Variants in NOD2 observed in about 807,000 individuals in gnomAD.
NOD2 encodes nucleotide binding oligomerization domain containing 2, also known as nucleotide-binding oligomerization domain-containing protein 2.
A neutral mutation model predicts 90.9 loss-of-function variants in NOD2; 86 were observed. The observed-to-expected ratio is 0.95, with a 90% CI of 0.79 to 1.13. The LOEUF (loss-of-function observed/expected upper bound fraction) is 1.13. Ranked by LOEUF, NOD2 falls within the 50% of genes most tolerant of loss-of-function variation. NOD2 has a pLI of 0.00. For synonymous variants in NOD2, 581 were observed against 554.6 expected, an observed-to-expected ratio of 1.05 and a Z score of -0.67; for missense variants, 1,238 against 1,283.8, an observed-to-expected ratio of 0.96 and a Z score of 0.55.
chr16:50,716,528 T>G, intron 4 of NOD2, 59 bp from the exon 5 acceptor site: 3 of 1,474,058 alleles, frequency 2.0e-6, no homozygotes, highest in Non-Finnish European at 2.8e-6. Context: ...GGGGGATTTG[T>G]AGATTTTTTT....
chr16:50,703,188 T>G (rs1964016982), intron 2 of NOD2, among the ~76,000 whole-genome samples: 1 of 152,376 alleles, frequency 6.6e-6, no homozygotes, highest in African/African-American at 2.4e-5. Flanking sequence ...CTTCTTTAAC[T>G]GCAACTGCTA....
chr16:50,699,673 C>T lies in NOD2; in HGVS notation c.178C>T (p.Arg60Cys), dbSNP rs374128251. 48 of 1,614,036 alleles carry T rather than the reference C, an allele frequency of 3.0e-5. No homozygotes were observed. Among genetic ancestry groups the T allele is most frequent in the Non-Finnish European group, 3.5e-5 (41 of 1,180,026 alleles). The change falls in exon 2 of 12, where the codon CGC becomes TGC. Residue 60 changes from arginine (R) to cysteine (C), a missense_variant. Coordinates refer to ENST00000647318, the MANE Select transcript of NOD2 (RefSeq NM_001370466.1). ...CCAGCCTCTCTCCCACTTGGCCAGG[C>T]GCCTTCTGGACACCGTCTGGAATAA... ...LGQPLSHLAR[R>C]LLDTVWNKGT...
At chr16:50,716,712 T>G (rs1330309784) in intron 5 of NOD2, 42 bp downstream of exon 5, 1 of 1,587,288 alleles carries the variant, frequency 6.3e-7, no homozygotes, top group Non-Finnish European at 8.7e-7. Context: ...CCAAGTGCCC[T>G]GGTCTCACCC....
At chr16:50,706,900 G>T (rs188384574) in intron 2 of NOD2, among the ~76,000 whole-genome samples, 1 of 152,118 alleles carries the variant, frequency 6.6e-6, no homozygotes, top group East Asian at 1.9e-4. Flanking sequence ...GTTTCACCAT[G>T]TTGTCCAGGC....
Position 50,715,179 on chromosome 16 carries a change from G to A in NOD2, c.2382-1408G>A, listed in dbSNP as rs867340181. Among the ~76,000 whole-genome samples the A allele has an allele frequency of 2.6e-5, 4 of 152,312 alleles. No individual in the cohort carries two copies. In the South Asian group the frequency reaches 6.2e-4, roughly 24 times the overall value. On this transcript the variant is annotated intron_variant, in intron 4 of 11. Transcript: ENST00000647318. ...CCTAGGCTCAAAGCCTTTATGTGCC[G>A]TACAACCTTGGCAAAGTCACTTCGC... is the stretch of plus-strand genomic sequence containing the variant.
chr16:50,700,960 G>A (rs1024280279), intron 2 of NOD2, among the ~76,000 whole-genome samples: 1 of 152,220 alleles, frequency 6.6e-6, no homozygotes. Flanking sequence ...TGACCACTGA[G>A]TATTTTTGAA....
chr16:50,703,177 C>A (rs1003235964), intron 2 of NOD2, among the ~76,000 whole-genome samples: 3 of 152,326 alleles, frequency 2.0e-5, no homozygotes, highest in Admixed American at 2.0e-4. Context: ...GTACCTGGGG[C>A]CTTCTTTAAC....
chr16:50,731,850 T>C lies in NOD2; in HGVS notation c.*31T>C. ...CCGGGAGGATGTTCGTCTCAGTTTG[T>C]TTGTGAGCAGGCTGTGAGTTTGGGC... is the stretch of plus-strand genomic sequence containing the variant. On this transcript the variant is annotated 3_prime_UTR_variant, in exon 12 of 12. Coordinates refer to ENST00000647318, the MANE Select transcript of NOD2 (RefSeq NM_001370466.1). 6.4e-7 allele frequency: 1 copy of C among 1,567,994 alleles called. No individual in the cohort carries two copies. Among genetic ancestry groups the C allele is most frequent in the East Asian group, 2.2e-5 (1 of 44,620 alleles).
In NOD2 at chr16:50,711,442, A is replaced by G. The variant is rs759153904; in HGVS notation, c.1450A>G (p.Thr484Ala). Residue 484 changes from threonine to alanine, a missense_variant, in exon 4 of 12, where the codon ACA becomes GCA. Thr to Ala is a moderately conservative substitution (Grantham distance 58). Around this residue, in one of 3 missense-constraint regions of NOD2, gnomAD observed 667 missense variants for 688.7 expected, o/e 0.97. Coordinates refer to ENST00000647318, the MANE Select transcript of NOD2 (RefSeq NM_001370466.1). Reference protein sequence around the residue: ...LQEGGSPKTTTDMYLLILQHF... With the variant: ...LQEGGSPKTTADMYLLILQHF... ...GGAGGGGGGGTCCCCAAAGACCACT[A>G]CAGATATGTACCTGCTGATTCTGCA... 77 of 1,613,398 alleles carry G rather than the reference A, an allele frequency of 4.8e-5. No individual in the cohort carries two copies. Among genetic ancestry groups the G allele is most frequent in the Non-Finnish European group, 6.4e-5 (75 of 1,180,016 alleles).
At chr16:50,712,495 A>T (rs1458889660) in intron 4 of NOD2, 122 bp downstream of exon 4, 1 of 1,228,904 alleles carries the variant, frequency 8.1e-7, no homozygotes, top group Non-Finnish European at 1.2e-6. Flanking sequence ...CTGCTTTGCA[A>T]CACTGCCCAG....
At chr16:50,708,879 C>T (rs528345094) in intron 3 of NOD2, among the ~76,000 whole-genome samples, 55 of 152,294 alleles carry the variant, frequency 3.6e-4, no homozygotes, top group Middle Eastern at 3.4e-3. Flanking sequence ...AACATCAGTG[C>T]GCCACAGCAG....
At position 50,712,365 on chromosome 16, in the gene NOD2, G is replaced by A. The variant is rs539311609; in HGVS notation, c.2373G>A (p.Lys791=). ...EQLLPCLGVC[K]ALYLRDNNIS... ...TGCTGCCTTGCCTTGGTGTCTGCAA[G>A]GCTCTGTAGTGAGTGTTACTGGGCA... is the stretch of plus-strand genomic sequence containing the variant. Residue 791 remains lysine, a synonymous_variant, in exon 4 of 12, where the codon AAG becomes AAA. Coordinates refer to ENST00000647318, the MANE Select transcript of NOD2 (RefSeq NM_001370466.1). 1 of 1,613,798 alleles carries A rather than the reference G, an allele frequency of 6.2e-7. No individual in the cohort carries two copies. Among genetic ancestry groups the A allele is most frequent in the South Asian group, 1.1e-5 (1 of 91,074 alleles).
In NOD2 at chr16:50,714,255, C is replaced by G. The variant is rs1274897045; in HGVS notation, c.2381+1882C>G. Among the ~76,000 whole-genome samples, 3 of 152,148 alleles carry G rather than the reference C, an allele frequency of 2.0e-5. No individual in the cohort carries two copies. The East Asian group carries it at 5.8e-4, about 29-fold the overall frequency. ...GGCTCTGGGAAACCTGTGGGTCTGT[C>G]TCTGTGTTCAGAGAAAGGTGAGGGT... is the stretch of plus-strand genomic sequence containing the variant. On this transcript the variant is annotated intron_variant, in intron 4 of 11. Transcript: ENST00000647318.
Position 50,711,297 on chromosome 16 carries a change from G to A in NOD2, c.1305G>A (p.Glu435=), listed in dbSNP as rs747921876. 3.1e-6 allele frequency: 5 copies of A among 1,613,598 alleles called. No homozygotes were observed. The Admixed American group carries it at 6.7e-5, about 22-fold the overall frequency. The change falls in exon 4 of 12, where the codon GAG becomes GAA. Residue 435 remains glutamate, a synonymous_variant. Coordinates refer to ENST00000647318, the MANE Select transcript of NOD2 (RefSeq NM_001370466.1). ...IELYLRKRHH[E]PGVADRLIRL... ...TGTACCTGAGGAAGCGCCATCATGA[G>A]CCCGGGGTGGCGGACCGCCTCATCC...
intron 7 of NOD2, among the ~76,000 whole-genome samples, chr16:50,721,444 T>A (rs1215375381): frequency 6.6e-6 from 1 of 151,444 alleles, no homozygotes; most frequent in Non-Finnish European, 1.5e-5. Context: ...ATTATAGGAA[T>A]TTTTTTAGGT....
At chr16:50,710,420 T>C in intron 3 of NOD2, 138 bp from the exon 4 acceptor site, 2 of 1,098,490 alleles carry the variant, frequency 1.8e-6, no homozygotes, top group Admixed American at 3.6e-5. Context: ...AGCTTGTGAA[T>C]GGAGGAGCCA....
In NOD2 at chr16:50,699,652, C is replaced by G. The variant is rs370734707; in HGVS notation, c.157C>G (p.Pro53Ala). The G allele has an allele frequency of 4.3e-6, 7 of 1,614,054 alleles. No homozygotes were observed. In the African/African-American group the frequency reaches 5.3e-5, roughly 12 times the overall value. ...DYEGFHLLGQ[P>A]LSHLARRLLD... The stretch of plus-strand genomic sequence containing the variant: ...CGAGGGCTTCCACCTCCTGGGCCAG[C>G]CTCTCTCCCACTTGGCCAGGCGCCT... Residue 53 changes from proline to alanine, a missense_variant, in exon 2 of 12, where the codon CCT (proline) becomes GCT (alanine). Around this residue, in one of 3 missense-constraint regions of NOD2, gnomAD observed 567 missense variants for 577.3 expected, o/e 0.98. Coordinates refer to ENST00000647318, the MANE Select transcript of NOD2 (RefSeq NM_001370466.1).
rs200463498 is a variant in NOD2 at position 50,725,527 on chromosome 16, C to T, written c.2840C>T (p.Ser947Phe). Reference protein sequence around the residue: ...ENHLQDEGVCSLAEGLKKNSS... With the variant: ...ENHLQDEGVCFLAEGLKKNSS... ...CATCTCCAGGATGAAGGTGTATGTT[C>T]TCTCGCAGAAGGACTGAAGAAAAAT... Residue 947 changes from serine (S) to phenylalanine (F), a missense_variant, in exon 10 of 12, where the codon TCT becomes TTT. Physicochemically the swap from Ser to Phe is radical, Grantham distance 155. Coordinates refer to ENST00000647318, the MANE Select transcript of NOD2 (RefSeq NM_001370466.1). 1.7e-5 allele frequency: 28 copies of T among 1,614,098 alleles called. No homozygotes were observed. In the African/African-American group the frequency reaches 3.7e-4, roughly 22 times the overall value.
chr16:50,729,408 C>T (rs1370299507), intron 10 of NOD2, among the ~76,000 whole-genome samples: 1 of 152,122 alleles, frequency 6.6e-6, no homozygotes, highest in Non-Finnish European at 1.5e-5. Flanking sequence ...CCTGCTTACA[C>T]CCATCACAAT....
Sources: allele counts gnomAD v4.1 joint callset (sites outside exome capture counted in the v4.1 genomes callset), GRCh38; gene constraint gnomAD v4.1.1; regional missense constraint gnomAD v4.1.1; transcripts MANE v1.5; gene names NCBI Gene and HGNC (gene_info 2026-07-23, HGNC 2026-07-21).